Variants in ZBTB20 observed in about 807,000 individuals in gnomAD.
ZBTB20 encodes the protein zinc finger and BTB domain containing 20.
In ZBTB20, 9 loss-of-function variants were observed where a neutral mutation model predicts 56.9. That is an observed-to-expected ratio of 0.16 (90% CI 0.10 to 0.28). The LOEUF (loss-of-function observed/expected upper bound fraction) is 0.28, where lower values mean the gene tolerates loss of function less well. Among genes scored for constraint, ZBTB20 ranks in the 10% least tolerant of loss-of-function variants. The pLI is 1.00. For synonymous variants in ZBTB20, 417 were observed against 420.7 expected, an observed-to-expected ratio of 0.99 and a Z score of 0.11; for missense variants, 655 against 1,003.0, an observed-to-expected ratio of 0.65 and a Z score of 4.69.
intron 4 of ZBTB20, among the ~76,000 whole-genome samples, chr3:114,870,791 A>C (rs973474557): frequency 6.6e-6 from 1 of 152,048 alleles, no homozygotes; most frequent in Non-Finnish European, 1.5e-5. Flanking sequence ...ACCACTTTGC[A>C]TCAAAAGTCT....
chr3:114,913,610 T>G (rs1288811391), intron 3 of ZBTB20, among the ~76,000 whole-genome samples: 1 of 152,074 alleles, frequency 6.6e-6, no homozygotes. Context: ...TGTCCATTTT[T>G]GCTTTGGTTG....
intron 4 of ZBTB20, among the ~76,000 whole-genome samples, chr3:114,886,368 C>T (rs1438479132): frequency 6.6e-6 from 1 of 152,164 alleles, no homozygotes; most frequent in Non-Finnish European, 1.5e-5. Context: ...CTAATAAAGA[C>T]CTGGCCGATG....
chr3:114,385,644 G>T (rs1333224545), intron 8 of ZBTB20, among the ~76,000 whole-genome samples: 1 of 152,046 alleles, frequency 6.6e-6, no homozygotes, highest in Admixed American at 6.5e-5. Context: ...CGAGGCGGGC[G>T]GATCACGAGG....
At position 114,322,907 on chromosome 3, in the gene ZBTB20, T is replaced by C. The variant is rs193145941; in HGVS notation, c.*16098A>G. On this transcript the variant is annotated 3_prime_UTR_variant, in exon 12 of 12. Transcript: ENST00000675478. ...TGTAATCTTAGGGAAGGGGCCTCAA[T>C]TGAGAATTTTCCAAATTGATGCCCC... The C allele has an allele frequency of 5.9e-5, 9 of 152,316 alleles. No individual in the cohort carries two copies. In the East Asian group the frequency reaches 7.7e-4, roughly 13 times the overall value. The allele number at this position is 152,316 out of a possible 1,614,324, so 9.4% of individuals were successfully genotyped here.
At chr3:114,606,327 G>C (rs2057149855) in intron 6 of ZBTB20, among the ~76,000 whole-genome samples, 1 of 152,008 alleles carries the variant, frequency 6.6e-6, no homozygotes, top group African/African-American at 2.4e-5. Context: ...GCACACCCCT[G>C]CTTGTTAAAA....
chr3:114,415,217 T>C (rs1444794387), intron 7 of ZBTB20, among the ~76,000 whole-genome samples: 1 of 152,130 alleles, frequency 6.6e-6, no homozygotes, highest in Non-Finnish European at 1.5e-5. Flanking sequence ...CTGCTGAACC[T>C]GGTAAAGCTA....
intron 10 of ZBTB20, among the ~76,000 whole-genome samples, chr3:114,353,910 C>CA (rs1239381763): frequency 5.9e-5 from 9 of 152,180 alleles, no homozygotes; most frequent in Non-Finnish European, 1.0e-4. Context: ...GGTAGACTGG[C>CA]ATTTAAACCC....
chr3:114,975,210 C>G (rs1187190157), intron 2 of ZBTB20, among the ~76,000 whole-genome samples: 1 of 152,076 alleles, frequency 6.6e-6, no homozygotes, highest in Non-Finnish European at 1.5e-5. Flanking sequence ...TAACTAAAAA[C>G]AGCTCTCCTA....
At chr3:115,024,566 C>A (rs777799974) in intron 2 of ZBTB20, among the ~76,000 whole-genome samples, 7 of 151,054 alleles carry the variant, frequency 4.6e-5, no homozygotes, top group Non-Finnish European at 8.9e-5. Context: ...AAAACAATCC[C>A]ACAAATTAAC....
At chr3:114,734,190 T>C (rs761840603) in intron 5 of ZBTB20, among the ~76,000 whole-genome samples, 28 of 151,522 alleles carry the variant, frequency 1.8e-4, no homozygotes, top group Non-Finnish European at 4.0e-4. Flanking sequence ...AAAAAATAAA[T>C]ACATATATAA....
rs1228222892 is a variant in ZBTB20 at position 114,315,580 on chromosome 3, T to TGTGTGTGC, written c.*23424_*23425insGCACACAC. On this transcript the variant is annotated 3_prime_UTR_variant, in exon 12 of 12. Transcript: ENST00000675478. The stretch of plus-strand genomic sequence containing the variant: ...GGTCTAAACATACAGTGTGTGTGTG[T>TGTGTGTGC]GTGTGTGTGTGTGTGTGTGTGTGTG... 1 of 152,504 alleles carries TGTGTGTGC rather than the reference T, an allele frequency of 6.6e-6. No individual in the cohort carries two copies. The highest frequency in any genetic ancestry group is 2.4e-5 in the African/African-American group (1 of 41,012). 9.4% of individuals were successfully genotyped at this position (152,504 alleles called of 1,614,324 possible). A position where few individuals can be genotyped will look rare whatever the true frequency, so the allele number is the denominator to read the frequency against.
intron 5 of ZBTB20, among the ~76,000 whole-genome samples, chr3:114,762,798 C>T (rs899121705): frequency 1.3e-5 from 2 of 152,166 alleles, no homozygotes; most frequent in African/African-American, 2.4e-5. Flanking sequence ...GACAACTTCA[C>T]GTACTCTTTC....
intron 6 of ZBTB20, among the ~76,000 whole-genome samples, chr3:114,587,581 C>T (rs2107532488): frequency 6.6e-6 from 1 of 152,330 alleles, no homozygotes. Context: ...TACAATAATT[C>T]TATGGCATAT....
intron 6 of ZBTB20, among the ~76,000 whole-genome samples, chr3:114,546,990 A>G (rs951693073): frequency 6.6e-6 from 1 of 152,196 alleles, no homozygotes; most frequent in Non-Finnish European, 1.5e-5. Flanking sequence ...AAAGCAGAGC[A>G]GTAAAGAGTA....
At chr3:114,930,517 C>T (rs2076317414) in intron 3 of ZBTB20, 1 of 154,920 alleles carries the variant, frequency 6.5e-6, no homozygotes, top group African/African-American at 2.4e-5. Context: ...GAGCCACAAC[C>T]CTGCAGCCAG....
At chr3:114,702,167 A>G (rs2063431706) in intron 5 of ZBTB20, among the ~76,000 whole-genome samples, 1 of 151,960 alleles carries the variant, frequency 6.6e-6, no homozygotes, top group Non-Finnish European at 1.5e-5. Flanking sequence ...GTGGAACCCC[A>G]TCTCTACAAA....
At chr3:115,113,110 C>T (rs2083925077) in intron 1 of ZBTB20, among the ~76,000 whole-genome samples, 1 of 152,142 alleles carries the variant, frequency 6.6e-6, no homozygotes, top group Non-Finnish European at 1.5e-5. Context: ...GAAATGTCTA[C>T]TCATGTCCTT....
chr3:114,563,939 A>G (rs577702935), intron 6 of ZBTB20, among the ~76,000 whole-genome samples: 23 of 152,338 alleles, frequency 1.5e-4, no homozygotes, highest in Admixed American at 1.2e-3. Context: ...AAATTAGCAC[A>G]AACTTATAGT....
intron 2 of ZBTB20, among the ~76,000 whole-genome samples, chr3:115,036,650 T>G (rs534915016): frequency 6.6e-6 from 1 of 152,100 alleles, no homozygotes; most frequent in East Asian, 1.9e-4. Context: ...CTTGACCTCA[T>G]GATCTGCCTG....
Sources: gnomAD v4.1 joint callset for allele counts (sites outside exome capture counted in the v4.1 genomes callset) on GRCh38, gnomAD v4.1.1 for gene constraint, MANE v1.5 for transcripts, NCBI Gene and HGNC (gene_info 2026-07-23, HGNC 2026-07-21) for gene names.